SDCCAG8: variants seen among roughly 807,000 people sequenced by gnomAD.
SDCCAG8 encodes the protein SHH signaling and ciliogenesis regulator SDCCAG8, also known as serologically defined colon cancer antigen 8.
SDCCAG8 carries 74 observed loss-of-function variants against 101.8 expected under a neutral mutation model. The observed-to-expected ratio is 0.73, with a 90% CI of 0.60 to 0.88. The LOEUF (loss-of-function observed/expected upper bound fraction) is 0.88, where lower values mean the gene tolerates loss of function less well. SDCCAG8 is among the 40% of genes least tolerant of loss of function. The probability of loss-of-function intolerance (pLI) is 0.00; values close to 1 mark genes in which losing one functional copy is unlikely to be tolerated. For synonymous variants in SDCCAG8, 281 were observed against 292.9 expected (o/e 0.96, Z 0.41); for missense variants, 787 against 822.6 (o/e 0.96, Z 0.53).
chr1:243,331,793 A>T (rs542794630), intron 10 of SDCCAG8, among the ~76,000 whole-genome samples: 15 of 152,000 alleles, frequency 9.9e-5, no homozygotes, highest in African/African-American at 3.6e-4. Context: ...TTCATTCCAC[A>T]CTCAACAGAT....
At chr1:243,396,167 A>G (rs1166982965) in intron 13 of SDCCAG8, among the ~76,000 whole-genome samples, 3 of 152,170 alleles carry the variant, frequency 2.0e-5, no homozygotes, top group Non-Finnish European at 4.4e-5. Context: ...AAATAATTCA[A>G]CATAGAGTGA....
At chr1:243,460,223 G>T (rs551150584) in intron 16 of SDCCAG8, among the ~76,000 whole-genome samples, 215 of 151,960 alleles carry the variant, frequency 1.4e-3, no homozygotes, top group African/African-American at 5.1e-3. Context: ...TTATTTTTTG[G>T]TCACCCAATA....
At chr1:243,472,005 G>T (rs528130879) in intron 16 of SDCCAG8, among the ~76,000 whole-genome samples, 1 of 152,322 alleles carries the variant, frequency 6.6e-6, no homozygotes, top group South Asian at 2.1e-4. Context: ...ATTTTGGGAG[G>T]CTGGAGGCGG....
intron 15 of SDCCAG8, among the ~76,000 whole-genome samples, chr1:243,419,146 A>T (rs2080811431): frequency 6.6e-6 from 1 of 152,058 alleles, no homozygotes; most frequent in Non-Finnish European, 1.5e-5. Context: ...TCGTGCATCC[A>T]ACTCTCCCTG....
chr1:243,269,539 C>T (rs1052442366), intron 1 of SDCCAG8, among the ~76,000 whole-genome samples: 1 of 151,738 alleles, frequency 6.6e-6, no homozygotes, highest in Non-Finnish European at 1.5e-5. Flanking sequence ...AGAGCTGTAC[C>T]GCCGGGGCTG....
chr1:243,486,305 C>T (rs1330999792), intron 16 of SDCCAG8, among the ~76,000 whole-genome samples: 1 of 151,692 alleles, frequency 6.6e-6, no homozygotes, highest in Non-Finnish European at 1.5e-5. Context: ...AATCCATCCT[C>T]AGCTCTTAGC....
At position 243,273,278 on chromosome 1, in the gene SDCCAG8, A is replaced by ATTTCT. The variant is rs1303416840; in HGVS notation, c.307-1265_307-1264insTTTCT. Among the ~76,000 whole-genome samples, 4 of 152,296 alleles carry ATTTCT rather than the reference A, an allele frequency of 2.6e-5. No individual in the cohort carries two copies. The East Asian group carries it at 7.7e-4, about 29-fold the overall frequency. On this transcript the variant is annotated intron_variant, in intron 3 of 17. Coordinates refer to ENST00000366541, the MANE Select transcript of SDCCAG8 (RefSeq NM_006642.5). Reference sequence around the variant, plus strand: ...TGCTGAGAAAGAGAGTGGCTGAGAAACAGACACTGTGCCTCATTTCAAGCT... The same window carrying ATTTCT: ...TGCTGAGAAAGAGAGTGGCTGAGAAATTTCTCAGACACTGTGCCTCATTTCAAGCT...
At position 243,470,227 on chromosome 1, in the gene SDCCAG8, A is replaced by C. The variant is rs138944714; in HGVS notation, c.1986-18787A>C. Among the ~76,000 whole-genome samples the C allele has an allele frequency of 1.4e-4, 22 of 152,198 alleles. No individual in the cohort carries two copies. The East Asian group carries it at 4.1e-3, about 28-fold the overall frequency. ...TGGCGCAAGTGCTCCAGCTGCCCCGACGGGGCTGGGGCCTCAGAATCCCCC... is the reference window on the plus strand; with the variant it reads ...TGGCGCAAGTGCTCCAGCTGCCCCGCCGGGGCTGGGGCCTCAGAATCCCCC... On this transcript the variant is annotated intron_variant, in intron 16 of 17. Transcript: ENST00000366541.
chr1:243,275,856 G>GTTTTTT (rs11344816), intron 4 of SDCCAG8, among the ~76,000 whole-genome samples: 5 of 59,108 alleles, frequency 8.5e-5, no homozygotes, highest in South Asian at 8.6e-4. Flanking sequence ...TTGAACCAAT[G>GTTTTTT]TTTTTTTTTT....
At chr1:243,484,297 T>C (rs748960934) in intron 16 of SDCCAG8, among the ~76,000 whole-genome samples, 18 of 152,238 alleles carry the variant, frequency 1.2e-4, no homozygotes, top group Admixed American at 2.6e-4. Flanking sequence ...CAGACACGCA[T>C]TGGCCTTTGC....
At chr1:243,273,977 A>G (rs1028364748) in intron 3 of SDCCAG8, among the ~76,000 whole-genome samples, 9 of 152,230 alleles carry the variant, frequency 5.9e-5, no homozygotes, top group Non-Finnish European at 1.2e-4. Context: ...AGAAGCAAGT[A>G]TTTGTATTAG....
intron 9 of SDCCAG8, 90 bp from the exon 10 acceptor site, chr1:243,330,450 T>C (rs2074505469): frequency 7.3e-7 from 1 of 1,366,626 alleles, no homozygotes; most frequent in Non-Finnish European, 1.0e-6. Context: ...GTTTTTGCTA[T>C]TTTAAATATA....
chr1:243,314,305 A>T (rs1353502994), intron 8 of SDCCAG8, among the ~76,000 whole-genome samples: 1 of 152,330 alleles, frequency 6.6e-6, no homozygotes, highest in East Asian at 1.9e-4. Flanking sequence ...GCCTAACAAG[A>T]CATCTGTATA....
intron 6 of SDCCAG8, among the ~76,000 whole-genome samples, chr1:243,303,944 A>T (rs1370926092): frequency 1.3e-5 from 2 of 152,080 alleles, no homozygotes; most frequent in African/African-American, 4.8e-5. Context: ...GTGGTGGCAC[A>T]TGCCTGTAAT....
intron 10 of SDCCAG8, 42 bp downstream of exon 10, chr1:243,330,734 GT>G (rs758634821): frequency 6.2e-7 from 1 of 1,606,798 alleles, no homozygotes; most frequent in Non-Finnish European, 8.5e-7. Context: ...CAGAAGAAAG[GT>G]TTTTTATGAT....
intron 17 of SDCCAG8, among the ~76,000 whole-genome samples, chr1:243,490,794 A>ACTCCC (rs1450840133): frequency 6.6e-6 from 1 of 151,416 alleles, no homozygotes; most frequent in Non-Finnish European, 1.5e-5. Flanking sequence ...GACCAGTGCC[A>ACTCCC]CTCCCCTCCC....
chr1:243,316,470 T>G (rs1027267608), intron 8 of SDCCAG8, among the ~76,000 whole-genome samples: 1 of 152,192 alleles, frequency 6.6e-6, no homozygotes, highest in African/African-American at 2.4e-5. Context: ...TTTAAAAAAC[T>G]AATTTGCTCT....
rs1297691172 is a variant in SDCCAG8, at chr1:243,415,729, C to G, written c.1644C>G (p.Ser548Arg). 12 of 1,613,808 alleles carry G rather than the reference C, an allele frequency of 7.4e-6. No individual in the cohort carries two copies. In the South Asian group the frequency reaches 1.3e-4, roughly 18 times the overall value. Reference protein sequence around the residue: ...TRQEKDSIQQSFSKEAKAQAL... With the variant: ...TRQEKDSIQQRFSKEAKAQAL... ...AGGAAAAAGATAGCATTCAGCAGAG[C>G]TTTAGCAAGGAAGCAAAGGCCCAAG... Residue 548 changes from serine (S) to arginine (R), a missense_variant, in exon 14 of 18, where the codon AGC (serine) becomes AGG (arginine). By Grantham distance (110) the Ser-to-Arg change is moderately radical. Transcript: ENST00000366541.
At chr1:243,412,717 A>G (rs2080268808) in intron 13 of SDCCAG8, among the ~76,000 whole-genome samples, 1 of 152,102 alleles carries the variant, frequency 6.6e-6, no homozygotes, top group South Asian at 2.1e-4. Flanking sequence ...CCCCTGCTCT[A>G]GAGTATTATA....
Sources: allele counts gnomAD v4.1 joint callset (sites outside exome capture counted in the v4.1 genomes callset), GRCh38; gene constraint gnomAD v4.1.1; transcripts MANE v1.5; gene names NCBI Gene and HGNC (gene_info 2026-07-23, HGNC 2026-07-21).